The following MYH1 variants were observed in gnomAD, a reference collection of about 807,000 sequenced individuals.
MYH1 encodes myosin heavy chain 1.
Under a neutral mutation model 225.6 loss-of-function variants are expected in MYH1, and 214 were observed. The observed-to-expected ratio is 0.95, with a 90% confidence interval of 0.85 to 1.06. The LOEUF (loss-of-function observed/expected upper bound fraction) is 1.06, where lower values mean the gene tolerates loss of function less well. Ranked by LOEUF, MYH1 falls within the 50% of genes least tolerant of loss-of-function variation. The pLI is 0.00. For missense variants in MYH1, 2,098 were observed against 2,344.2 expected, an observed-to-expected ratio of 0.89 and a Z score of 2.17; for synonymous variants, 774 against 842.3, an observed-to-expected ratio of 0.92 and a Z score of 1.40.
In MYH1 at chr17:10,502,815, C is replaced by T. The variant is rs746940411; in HGVS notation, c.3034G>A (p.Asp1012Asn). ...TTGTCCTCCTCTGCCTGCAGGTCAT[C>T]CAGGGTCTGCTGGTGGGCCTCCTGG... Reference protein sequence around the residue: ...ALQEAHQQTLDDLQAEEDKVN... With the variant: ...ALQEAHQQTLNDLQAEEDKVN... Residue 1012 changes from aspartate to asparagine, a missense_variant, in exon 24 of 40, where the codon GAT (aspartate) becomes AAT (asparagine). By Grantham distance (23) the Asp-to-Asn change is conservative. Transcript: ENST00000226207. 1 of 1,614,050 alleles carries T rather than the reference C, an allele frequency of 6.2e-7. No homozygotes were observed. Among genetic ancestry groups the T allele is most frequent in the Admixed American group, 1.7e-5 (1 of 60,014 alleles).
intron 15 of MYH1, among the ~76,000 whole-genome samples, chr17:10,509,112 C>A (rs928404140): frequency 6.6e-6 from 1 of 152,112 alleles, no homozygotes; most frequent in African/African-American, 2.4e-5. Context: ...CTTTCGCACA[C>A]TGGATTTTAA....
chr17:10,511,785 G>A, intron 14 of MYH1, 54 bp downstream of exon 14: 1 of 1,612,128 alleles, frequency 6.2e-7, no homozygotes, highest in Non-Finnish European at 8.5e-7. Context: ...TATGACTGCA[G>A]CAACAAGCTT....
chr17:10,512,959 A>G lies in MYH1; in HGVS notation c.812T>C (p.Leu271Pro), dbSNP rs762147671. The change falls in exon 10 of 40, where the codon CTG (leucine) becomes CCG (proline). Residue 271 changes from leucine to proline, a missense_variant. Transcript: ENST00000226207. ...LASADIETYL[L>P]EKSRVTFQLK... Reference sequence around the variant, plus strand: ...CTGGAAAGTAACTCTAGACTTCTCCAGAAGATCTGCAACGGATAGTAGACA... The same window carrying G: ...CTGGAAAGTAACTCTAGACTTCTCCGGAAGATCTGCAACGGATAGTAGACA... The G allele has an allele frequency of 1.9e-6, 3 of 1,609,330 alleles. No homozygotes were observed. Among genetic ancestry groups the G allele is most frequent in the Non-Finnish European group, 2.6e-6 (3 of 1,176,152 alleles).
chr17:10,495,861 A>G (rs1413699496), intron 35 of MYH1, 89 bp downstream of exon 35: 1 of 1,468,318 alleles, frequency 6.8e-7, no homozygotes, highest in Non-Finnish European at 9.2e-7. Context: ...ATGAAATCTT[A>G]TAAATAGATT....
At chr17:10,498,277 A>T (rs1037933442) in intron 30 of MYH1, among the ~76,000 whole-genome samples, 2 of 152,220 alleles carry the variant, frequency 1.3e-5, no homozygotes, top group African/African-American at 2.4e-5. Flanking sequence ...CCCCAGAGGG[A>T]GAGTCTGTAC....
Position 10,516,612 on chromosome 17 carries a change from C to T in MYH1, c.31G>A (p.Gly11Arg), listed in dbSNP as rs1282155033. 3 of 1,614,016 alleles carry T rather than the reference C, an allele frequency of 1.9e-6. No homozygotes were observed. In the African/African-American group the frequency reaches 4.0e-5, roughly 22 times the overall value. MSSDSEMAIF[G>R]EAAPFLRKSE... is the part of the protein sequence containing the mutation. ...TTTCGGAGGAAAGGAGCAGCCTCCC[C>T]AAAAATGGCCATCTCAGAGTCGGAA... The change falls in exon 3 of 40, where the codon GGG becomes AGG. Residue 11 changes from glycine to arginine, a missense_variant. By Grantham distance (125) the Gly-to-Arg change is moderately radical (BLOSUM62 -2). Transcript: ENST00000226207.
In MYH1 at chr17:10,498,821, G is replaced by C; in HGVS notation, c.3986C>G (p.Ala1329Gly). 2 of 1,614,138 alleles carry C rather than the reference G, an allele frequency of 1.2e-6. No individual in the cohort carries two copies. The highest frequency in any genetic ancestry group is 2.2e-5 in the South Asian group (2 of 91,068). ...LKRQLEEEIK[A>G]KSALAHALQS... ...CAGGGCATGTGCCAGGGCACTCTTGGCCTGAGAACATAGAGATTGATGACT... is the reference window on the plus strand; with the variant it reads ...CAGGGCATGTGCCAGGGCACTCTTGCCCTGAGAACATAGAGATTGATGACT... The change falls in exon 30 of 40, where the codon GCC becomes GGC. Residue 1329 changes from alanine (A) to glycine (G), a missense_variant and splice_region_variant. Coordinates refer to ENST00000226207, the MANE Select transcript of MYH1 (RefSeq NM_005963.4).
At position 10,494,355 on chromosome 17, in the gene MYH1, G is replaced by T. The variant is rs147195989; in HGVS notation, c.5666C>A (p.Ala1889Glu). 8 of 1,613,732 alleles carry T rather than the reference G, an allele frequency of 5.0e-6. No individual in the cohort carries two copies. Among genetic ancestry groups the T allele is most frequent in the Non-Finnish European group, 5.1e-6 (6 of 1,179,884 alleles). Residue 1889 changes from alanine (A) to glutamate (E), a missense_variant and splice_region_variant, in exon 39 of 40, where the codon GCG (alanine) becomes GAG (glutamate). Physicochemically the swap from Ala to Glu is moderately radical, Grantham distance 107 (BLOSUM62 -1). Coordinates refer to ENST00000226207, the MANE Select transcript of MYH1 (RefSeq NM_005963.4). ...VKSYKRQAEE[A>E]EEQSNVNLSK... is the part of the protein sequence containing the mutation. The stretch of plus-strand genomic sequence containing the variant: ...CACCCCAAGGGGTTGTGAACTCACC[G>T]CTTCTTCAGCTTGTCTCTTGTAGGA...
At chr17:10,494,858 A>G in intron 37 of MYH1, 73 bp downstream of exon 37, 1 of 1,612,628 alleles carries the variant, frequency 6.2e-7, no homozygotes, top group East Asian at 2.2e-5. Context: ...CACATCATCT[A>G]GCAGTGCTAG....
chr17:10,500,482 C>A (rs1597436725), intron 28 of MYH1, 144 bp downstream of exon 28: 1 of 1,177,964 alleles, frequency 8.5e-7, no homozygotes, highest in Admixed American at 2.8e-5. Flanking sequence ...AACCTCATGC[C>A]AGTGGTCAAT....
At chr17:10,500,540 T>C in intron 28 of MYH1, 86 bp downstream of exon 28, 1 of 1,587,632 alleles carries the variant, frequency 6.3e-7, no homozygotes, top group East Asian at 2.2e-5. Flanking sequence ...GTATATGACC[T>C]CAAGTAAATA....
chr17:10,505,061 ACT>A lies in MYH1; in HGVS notation c.2438_2439del (p.Glu813ValfsTer48). On this transcript the variant is annotated frameshift_variant and splice_region_variant, in exon 22 of 40. Transcript: ENST00000226207. LOFTEE classifies it high-confidence loss of function. ...ACATTGTACTGGATGCAGAAGATGG[ACT>A]CTCTGTCATAGGAACAGAAATGTCC... Reference protein sequence around the residue: ...VEYQKMVERRESIFCIQYNVR... With the variant: ...VEYQKMVERRXSIFCIQYNVR... 6.2e-7 allele frequency: 1 copy of A among 1,614,114 alleles called. No individual in the cohort carries two copies. Among genetic ancestry groups the A allele is most frequent in the South Asian group, 1.1e-5 (1 of 91,054 alleles).
At chr17:10,499,639 A>G (rs2073032503) in intron 28 of MYH1, among the ~76,000 whole-genome samples, 1 of 152,250 alleles carries the variant, frequency 6.6e-6, no homozygotes, top group African/African-American at 2.4e-5. Context: ...ACTAAATGGC[A>G]TTTACACATG....
chr17:10,513,032 C>CA, intron 9 of MYH1, 67 bp from the exon 10 acceptor site: 1 of 1,097,124 alleles, frequency 9.1e-7, no homozygotes, highest in Non-Finnish European at 1.3e-6. Flanking sequence ...GATTTGAGGA[C>CA]TTGGGATCAT....
At chr17:10,515,821 CA>C in intron 5 of MYH1, 104 bp downstream of exon 5, 1 of 1,576,000 alleles carries the variant, frequency 6.3e-7, no homozygotes, top group Non-Finnish European at 8.6e-7. Flanking sequence ...GCTGAACAAC[CA>C]GGGGCGTGAA....
rs145148453 is a variant in MYH1, at chr17:10,494,998, C to T, written c.5399G>A (p.Arg1800His). The T allele has an allele frequency of 8.2e-5, 132 of 1,614,104 alleles. No homozygotes were observed. Among genetic ancestry groups the T allele is most frequent in the African/African-American group, 4.0e-4 (30 of 74,926 alleles). Residue 1800 changes from arginine (R) to histidine (H), a missense_variant, in exon 37 of 40, where the codon CGT (arginine) becomes CAT (histidine). Coordinates refer to ENST00000226207, the MANE Select transcript of MYH1 (RefSeq NM_005963.4). The part of the protein sequence containing the change: ...LEQTVKDLQH[R>H]LDEAEQLALK... Reference sequence around the variant, plus strand: ...GGCCAGCTGCTCAGCCTCATCCAGACGATGCTGCAGGTCCTTCACCGTCTG... The same window carrying T: ...GGCCAGCTGCTCAGCCTCATCCAGATGATGCTGCAGGTCCTTCACCGTCTG...
At chr17:10,507,855 T>C (rs2073128654) in intron 17 of MYH1, 31 bp downstream of exon 17, 1 of 1,582,042 alleles carries the variant, frequency 6.3e-7, no homozygotes, top group Non-Finnish European at 8.7e-7. Context: ...ATATCCTAAA[T>C]CTAATTAGAC....
chr17:10,499,750 T>C (rs889593097), intron 28 of MYH1, among the ~76,000 whole-genome samples: 2 of 152,206 alleles, frequency 1.3e-5, no homozygotes, highest in Non-Finnish European at 2.9e-5. Flanking sequence ...TATCTTGAAC[T>C]TTATCTCTGG....
Position 10,495,053 on chromosome 17 carries a change from G to C in MYH1, c.5344C>G (p.His1782Asp), listed in dbSNP as rs748917868. The C allele has an allele frequency of 1.2e-6, 2 of 1,614,184 alleles. No homozygotes were observed. The highest frequency in any genetic ancestry group is 1.7e-6 in the Non-Finnish European group (2 of 1,180,042). The change falls in exon 37 of 40, where the codon CAT becomes GAT. Residue 1782 changes from histidine (H) to aspartate (D), a missense_variant. Physicochemically the swap from His to Asp is moderately conservative, Grantham distance 81. Coordinates refer to ENST00000226207, the MANE Select transcript of MYH1 (RefSeq NM_005963.4). Reference sequence around the variant, plus strand: ...AGGTTCTTCTTCATCCGCTCCAGATGGGCGCTGGTGTCCTGTTCCTTCTTC... The same window carrying C: ...AGGTTCTTCTTCATCCGCTCCAGATCGGCGCTGGTGTCCTGTTCCTTCTTC... ...ELKKEQDTSA[H>D]LERMKKNLEQ...
Sources: allele counts gnomAD v4.1 joint callset (sites outside exome capture counted in the v4.1 genomes callset), GRCh38; gene constraint gnomAD v4.1.1; transcripts MANE v1.5; gene names NCBI Gene and HGNC (gene_info 2026-07-23, HGNC 2026-07-21).